Variants in SYT16 observed in about 807,000 individuals in gnomAD.
The protein encoded by SYT16 is synaptotagmin-16.
SYT16 carries 42 observed loss-of-function variants against 61.4 expected under a neutral mutation model. The ratio of observed to expected loss-of-function variants is 0.68; its 90% CI spans 0.53 to 0.89. The LOEUF (loss-of-function observed/expected upper bound fraction) is 0.89. Among genes scored for constraint, SYT16 ranks in the 40% least tolerant of loss-of-function variants. The pLI, the probability that SYT16 is intolerant of heterozygous loss-of-function variation, is 0.00. For missense variants in SYT16, 804 were observed against 807.3 expected (o/e 1.00, Z 0.05); for synonymous variants, 314 against 302.3 (o/e 1.04, Z -0.40).
intron 1 of SYT16, among the ~76,000 whole-genome samples, chr14:61,907,071 A>G (rs1315754408): frequency 6.6e-6 from 1 of 152,266 alleles, no homozygotes. Context: ...GGCAGAGACA[A>G]GCTCCCTTTG....
intron 1 of SYT16, among the ~76,000 whole-genome samples, chr14:61,861,147 C>A (rs1240713475): frequency 1.3e-5 from 2 of 152,062 alleles, no homozygotes; most frequent in African/African-American, 4.8e-5. Flanking sequence ...TGCTCACCAA[C>A]TGGGAGGGAA....
intron 1 of SYT16, among the ~76,000 whole-genome samples, chr14:61,958,938 G>A (rs2050998110): frequency 6.6e-6 from 1 of 151,950 alleles, no homozygotes; most frequent in African/African-American, 2.4e-5. Context: ...TTCATGTTTG[G>A]AGCATATATA....
intron 3 of SYT16, among the ~76,000 whole-genome samples, chr14:62,062,516 C>G (rs1174132935): frequency 5.3e-5 from 8 of 152,146 alleles, no homozygotes; most frequent in Admixed American, 1.3e-4. Flanking sequence ...TTTGGGGAAC[C>G]TTAGACTTCC....
At chr14:61,979,393 C>T (rs1235210908) in intron 2 of SYT16, among the ~76,000 whole-genome samples, 1 of 152,098 alleles carries the variant, frequency 6.6e-6, no homozygotes, top group Non-Finnish European at 1.5e-5. Context: ...AGTCTTCTTT[C>T]CTGGGGCATT....
chr14:61,827,467 T>C (rs1028337726), intron 1 of SYT16, among the ~76,000 whole-genome samples: 2 of 152,166 alleles, frequency 1.3e-5, no homozygotes, highest in Non-Finnish European at 2.9e-5. Flanking sequence ...TCGATGTTGG[T>C]TTTTACCTTA....
At chr14:61,957,163 G>A (rs779814523) in intron 1 of SYT16, among the ~76,000 whole-genome samples, 4 of 151,576 alleles carry the variant, frequency 2.6e-5, no homozygotes, top group Non-Finnish European at 5.9e-5. Context: ...AAATCCTGCA[G>A]CATTACTGAA....
intron 1 of SYT16, among the ~76,000 whole-genome samples, chr14:61,827,628 T>G (rs1323248370): frequency 1.3e-5 from 2 of 152,206 alleles, no homozygotes; most frequent in Non-Finnish European, 2.9e-5. Flanking sequence ...CAAGACCTAT[T>G]GGTCATGATT....
chr14:61,995,007 T>C (rs1271436632), intron 2 of SYT16, among the ~76,000 whole-genome samples: 1 of 152,170 alleles, frequency 6.6e-6, no homozygotes. Context: ...TTTGTAACGT[T>C]CATCTTGAGC....
In SYT16 at chr14:62,107,343, G is replaced by A. The variant is rs1381696003; in HGVS notation, c.*6636G>A. 2 of 152,098 alleles carry A rather than the reference G, an allele frequency of 1.3e-5. No individual in the cohort carries two copies. Among genetic ancestry groups the A allele is most frequent in the Non-Finnish European group, 2.9e-5 (2 of 68,136 alleles). 9.4% of individuals were successfully genotyped at this position (152,098 alleles called of 1,614,324 possible). On this transcript the variant is annotated 3_prime_UTR_variant, in exon 8 of 8. Coordinates refer to ENST00000683842, the MANE Select transcript of SYT16 (RefSeq NM_001367656.1). ...AGCTCCTCAGGAAGCTGAGGTGGGA[G>A]GATTGCTTGAACCTGTGAGGTCAAG... is the stretch of plus-strand genomic sequence containing the variant.
chr14:61,891,743 C>CT (rs1238204090), intron 1 of SYT16, among the ~76,000 whole-genome samples: 1 of 152,142 alleles, frequency 6.6e-6, no homozygotes, highest in Non-Finnish European at 1.5e-5. Flanking sequence ...TAGGATCCTA[C>CT]TGAATAAGTC....
intron 1 of SYT16, among the ~76,000 whole-genome samples, chr14:61,913,319 T>A (rs1274047421): frequency 1.3e-5 from 2 of 152,198 alleles, no homozygotes; most frequent in Non-Finnish European, 2.9e-5. Context: ...AATGATGGGT[T>A]CTGGAAATAC....
At chr14:61,876,034 CT>C (rs936154777) in intron 1 of SYT16, among the ~76,000 whole-genome samples, 2 of 152,046 alleles carry the variant, frequency 1.3e-5, no homozygotes, top group Admixed American at 6.5e-5. Flanking sequence ...ATGATAGATG[CT>C]TGATAGAGTT....
chr14:61,870,444 T>G (rs939965695), intron 1 of SYT16, among the ~76,000 whole-genome samples: 2 of 152,180 alleles, frequency 1.3e-5, no homozygotes, highest in Admixed American at 1.3e-4. Flanking sequence ...TGATGTACTT[T>G]AGTTTGGTGT....
At chr14:62,097,704 A>G (rs1177752076) in intron 7 of SYT16, among the ~76,000 whole-genome samples, 1 of 152,210 alleles carries the variant, frequency 6.6e-6, no homozygotes, top group African/African-American at 2.4e-5. Flanking sequence ...TACACATACA[A>G]TCCAACTTCA....
chr14:61,935,419 A>G (rs937688263), intron 1 of SYT16, among the ~76,000 whole-genome samples: 1 of 152,134 alleles, frequency 6.6e-6, no homozygotes, highest in African/African-American at 2.4e-5. Flanking sequence ...TTTTAGCCAG[A>G]GTCATTCTGC....
At position 62,063,015 on chromosome 14, in the gene SYT16, T is replaced by G. The variant is rs1489290743; in HGVS notation, c.524-6588T>G. Among the ~76,000 whole-genome samples the G allele has an allele frequency of 2.0e-5, 3 of 152,222 alleles. No homozygotes were observed. In the East Asian group the frequency reaches 5.8e-4, roughly 29 times the overall value. On this transcript the variant is annotated intron_variant, in intron 3 of 7. Coordinates refer to ENST00000683842, the MANE Select transcript of SYT16 (RefSeq NM_001367656.1). ...ATCCTCTCTTTGCATCGCCAGTTGG[T>G]AATTTTGTTTCCTTAAAAGAAGCAA...
Position 61,991,213 on chromosome 14 carries a change from G to A in SYT16, c.-144-4663G>A, listed in dbSNP as rs147788599. 7.9e-5 allele frequency among the ~76,000 whole-genome samples: 12 copies of A among 152,022 alleles called. 1 individual carries two copies. In the East Asian group the frequency reaches 1.9e-3, roughly 25 times the overall value. ...TGTTGTCTCATTTTATACTTCCATA[G>A]TGATGAGATATCATGAACCATTTCA... On this transcript the variant is annotated intron_variant, in intron 2 of 7. Coordinates refer to ENST00000683842, the MANE Select transcript of SYT16 (RefSeq NM_001367656.1).
At chr14:62,023,614 G>A (rs1161647153) in intron 3 of SYT16, among the ~76,000 whole-genome samples, 3 of 152,152 alleles carry the variant, frequency 2.0e-5, no homozygotes, top group Non-Finnish European at 4.4e-5. Flanking sequence ...AATAGTTGAA[G>A]TGAATGTGTA....
chr14:61,862,626 A>G (rs938430200), intron 1 of SYT16, among the ~76,000 whole-genome samples: 1 of 152,188 alleles, frequency 6.6e-6, no homozygotes, highest in African/African-American at 2.4e-5. Flanking sequence ...CTACCCTGGC[A>G]TATCATCATC....
Sources: gnomAD v4.1 joint callset for allele counts (sites outside exome capture counted in the v4.1 genomes callset) on GRCh38, gnomAD v4.1.1 for gene constraint, MANE v1.5 for transcripts, NCBI Gene and HGNC (gene_info 2026-07-23, HGNC 2026-07-21) for gene names.